Variants in DOCK10 observed in about 807,000 individuals in gnomAD.
DOCK10 encodes the protein dedicator of cytokinesis 10, also known as dedicator of cytokinesis protein 10.
DOCK10 carries 145 observed loss-of-function variants against 280.1 expected under a neutral mutation model. The ratio of observed to expected loss-of-function variants is 0.52; its 90% CI spans 0.45 to 0.59. The LOEUF is 0.59. Ranked by LOEUF, DOCK10 falls within the 20% of genes least tolerant of loss-of-function variation. DOCK10 has a pLI of 0.00. For synonymous variants in DOCK10, 915 were observed against 942.2 expected (o/e 0.97, Z 0.53); for missense variants, 2,368 against 2,651.7 (o/e 0.89, Z 2.35).
chr2:224,981,230 C>T (rs562733176), intron 1 of DOCK10, among the ~76,000 whole-genome samples: 23 of 152,150 alleles, frequency 1.5e-4, no homozygotes, highest in African/African-American at 5.5e-4. Flanking sequence ...AATAATATTG[C>T]TTTTTGAAAA....
intron 47 of DOCK10, 98 bp from the exon 48 acceptor site, chr2:224,789,268 T>C (rs1691972838): frequency 2.8e-6 from 2 of 720,102 alleles, no homozygotes; most frequent in Admixed American, 4.5e-5. Flanking sequence ...GTGGTAGTAT[T>C]ACAAAGCTCA....
chr2:224,793,324 A>G (rs1692334354), intron 46 of DOCK10, 76 bp downstream of exon 46: 9 of 1,205,526 alleles, frequency 7.5e-6, no homozygotes, highest in Non-Finnish European at 9.5e-6. Flanking sequence ...TAAAATGTAA[A>G]ATTAATACAT....
At chr2:224,766,286 T>G (rs1173252929) in intron 55 of DOCK10, among the ~76,000 whole-genome samples, 1 of 152,172 alleles carries the variant, frequency 6.6e-6, no homozygotes, top group Non-Finnish European at 1.5e-5. Context: ...AAAAAATACT[T>G]TATCAGATTG....
At chr2:224,778,408 A>T in intron 50 of DOCK10, 124 bp from the exon 51 acceptor site, 1 of 898,014 alleles carries the variant, frequency 1.1e-6, no homozygotes, top group South Asian at 1.4e-5. Flanking sequence ...CCATTGGTTA[A>T]CACCCTATAA....
chr2:224,994,191 A>C (rs533551032), intron 1 of DOCK10, among the ~76,000 whole-genome samples: 1 of 152,362 alleles, frequency 6.6e-6, no homozygotes, highest in East Asian at 1.9e-4. Context: ...ATAAAGCTTC[A>C]AAATCAAGTT....
At chr2:224,882,655 G>A (rs759768143) in intron 7 of DOCK10, among the ~76,000 whole-genome samples, 6 of 152,214 alleles carry the variant, frequency 3.9e-5, no homozygotes, top group Non-Finnish European at 7.3e-5. Context: ...TGGATGCTAA[G>A]TAGTACTTTC....
At chr2:224,980,960 A>G (rs1024115309) in intron 1 of DOCK10, among the ~76,000 whole-genome samples, 35 of 151,816 alleles carry the variant, frequency 2.3e-4, no homozygotes, top group African/African-American at 8.2e-4. Context: ...TTTTTTGCAA[A>G]TTTCTAGCTG....
intron 1 of DOCK10, among the ~76,000 whole-genome samples, chr2:224,938,562 G>A (rs1374394647): frequency 3.3e-5 from 5 of 152,044 alleles, no homozygotes; most frequent in Non-Finnish European, 5.9e-5. Flanking sequence ...CAAAACAAAT[G>A]AGAAGCAACA....
At chr2:224,848,237 G>A (rs1047651876) in intron 19 of DOCK10, among the ~76,000 whole-genome samples, 3 of 152,178 alleles carry the variant, frequency 2.0e-5, no homozygotes, top group African/African-American at 7.2e-5. Context: ...ATTGCATACT[G>A]TTTTAAGCTG....
chr2:224,787,942 A>G (rs1215922252), intron 48 of DOCK10, among the ~76,000 whole-genome samples: 1 of 152,060 alleles, frequency 6.6e-6, no homozygotes, highest in Non-Finnish European at 1.5e-5. Flanking sequence ...CATTATTAGA[A>G]TACCCTCTGA....
chr2:224,918,897 A>T (rs1173568996), intron 2 of DOCK10, among the ~76,000 whole-genome samples: 2 of 113,574 alleles, frequency 1.8e-5, no homozygotes, highest in Non-Finnish European at 3.6e-5. Context: ...TGTGGTGTGA[A>T]TGTGTGTATG....
intron 1 of DOCK10, among the ~76,000 whole-genome samples, chr2:225,034,002 T>G (rs1384285468): frequency 6.6e-6 from 1 of 152,218 alleles, no homozygotes; most frequent in Non-Finnish European, 1.5e-5. Flanking sequence ...AAAGTTGGTG[T>G]CACTCCCAAT....
At chr2:224,884,240 A>G (rs922720549) in intron 7 of DOCK10, among the ~76,000 whole-genome samples, 1 of 152,200 alleles carries the variant, frequency 6.6e-6, no homozygotes, top group African/African-American at 2.4e-5. Flanking sequence ...TAACAGATAA[A>G]CCATCCAGAA....
intron 11 of DOCK10, among the ~76,000 whole-genome samples, chr2:224,873,447 G>GTGGT (rs1248743821): frequency 6.6e-6 from 1 of 151,938 alleles, no homozygotes; most frequent in African/African-American, 2.4e-5. Context: ...GGCGGCCATG[G>GTGGT]TGGTGCGTGC....
chr2:224,991,778 AT>A (rs1180377649), intron 1 of DOCK10, among the ~76,000 whole-genome samples: 1 of 152,198 alleles, frequency 6.6e-6, no homozygotes, highest in African/African-American at 2.4e-5. Flanking sequence ...CATAAAAAAA[AT>A]CAATATACAC....
At chr2:224,983,971 G>A (rs1705883438) in intron 1 of DOCK10, among the ~76,000 whole-genome samples, 1 of 152,184 alleles carries the variant, frequency 6.6e-6, no homozygotes, top group South Asian at 2.1e-4. Flanking sequence ...TCTGGCTTGT[G>A]TGTATTGAAT....
At chr2:224,801,508 A>G (rs1475957733) in intron 40 of DOCK10, among the ~76,000 whole-genome samples, 1 of 151,976 alleles carries the variant, frequency 6.6e-6, no homozygotes, top group Admixed American at 6.6e-5. Flanking sequence ...TGCTTACAAA[A>G]CGCTGGCCTC....
At chr2:224,866,026 C>T (rs549410339) in intron 11 of DOCK10, among the ~76,000 whole-genome samples, 3 of 152,270 alleles carry the variant, frequency 2.0e-5, no homozygotes, top group African/African-American at 7.2e-5. Context: ...GGACACTTAC[C>T]TGCCTAATCA....
intron 13 of DOCK10, among the ~76,000 whole-genome samples, chr2:224,863,618 A>G (rs1697676787): frequency 6.6e-6 from 1 of 151,744 alleles, no homozygotes; most frequent in Non-Finnish European, 1.5e-5. Flanking sequence ...ACGCCTGGCT[A>G]ATTTTTTGTA....
Sources: gnomAD v4.1 joint callset for allele counts (sites outside exome capture counted in the v4.1 genomes callset) on GRCh38, gnomAD v4.1.1 for gene constraint, MANE v1.5 for transcripts, NCBI Gene and HGNC (gene_info 2026-07-23, HGNC 2026-07-21) for gene names.